The following S100A8 variants were observed in gnomAD, a reference collection of about 807,000 sequenced individuals.
S100A8 encodes the protein S100 calcium binding protein A8.
S100A8 carries 1 observed loss-of-function variant against 4.2 expected under a neutral mutation model. The ratio of observed to expected loss-of-function variants is 0.24; its 90% CI spans 0.08 to 1.12. The LOEUF (loss-of-function observed/expected upper bound fraction) is 1.12. S100A8 is among the 50% of genes most tolerant of loss of function. The pLI, the probability that S100A8 is intolerant of heterozygous loss-of-function variation, is 0.53. For missense variants in S100A8, 96 were observed against 111.8 expected, an observed-to-expected ratio of 0.86 and a Z score of 0.64; for synonymous variants, 41 against 44.7, an observed-to-expected ratio of 0.92 and a Z score of 0.33.
chr1:153,390,152 A>G lies in S100A8; in HGVS notation c.233T>C (p.Met78Thr), dbSNP rs1441390244. Residue 78 changes from methionine to threonine, a missense_variant, in exon 3 of 3, where the codon ATG (methionine) becomes ACG (threonine). Met to Thr is a moderately conservative substitution (Grantham distance 81). Coordinates refer to ENST00000368733, the MANE Select transcript of S100A8 (RefSeq NM_002964.5). ...FQEFLILVIKMGVAAHKKSHE... is the reference protein window; with the variant it reads ...FQEFLILVIKTGVAAHKKSHE... ...GCTTTTTTTGTGGGCTGCCACGCCC[A>G]TCTTTATCACCAGAATGAGGAACTC... is the stretch of plus-strand genomic sequence containing the variant. 6.2e-7 allele frequency: 1 copy of G among 1,614,036 alleles called. No individual in the cohort carries two copies. The highest frequency in any genetic ancestry group is 2.2e-5 in the East Asian group (1 of 44,866).
At chr1:153,394,270 A>G (rs1662166816), upstream of S100A8, among the ~76,000 whole-genome samples, 1 of 152,164 alleles carries the variant, frequency 6.6e-6, no homozygotes, top group Admixed American at 6.5e-5. Context: ...GGGGCAGGAG[A>G]GGGCAGGGAG....
chr1:153,416,931 G>A, the S100A8 span, among the ~76,000 whole-genome samples: 4 of 152,238 alleles, frequency 2.6e-5, no homozygotes, highest in African/African-American at 9.6e-5. Flanking sequence ...CACAGAGGGA[G>A]GAGGGATAAG....
the S100A8 span, among the ~76,000 whole-genome samples, chr1:153,404,803 C>T: frequency 1.3e-5 from 2 of 151,842 alleles, no homozygotes; most frequent in Non-Finnish European, 2.9e-5. Context: ...CTTTTTTTAA[C>T]AGGTGCAAGA....
In S100A8 at chr1:153,390,237, C is replaced by A. The variant is rs779001718; in HGVS notation, c.148G>T (p.Gly50Cys). 2 of 1,610,102 alleles carry A rather than the reference C, an allele frequency of 1.2e-6. No homozygotes were observed. The highest frequency in any genetic ancestry group is 2.2e-5 in the South Asian group (2 of 90,772). ...AACTCTTTGAACCAGACGTCTGCAC[C>A]CTTTTTCTGTCAAGATTGAGGAGGA... ...TECPQYIRKKGADVWFKELDI... is the reference protein window; with the variant it reads ...TECPQYIRKKCADVWFKELDI... Residue 50 changes from glycine (G) to cysteine (C), a missense_variant, in exon 3 of 3, where the codon GGT (glycine) becomes TGT (cysteine). By Grantham distance (159) the Gly-to-Cys change is radical (BLOSUM62 -3). Coordinates refer to ENST00000368733, the MANE Select transcript of S100A8 (RefSeq NM_002964.5).
chr1:153,419,346 A>G, the S100A8 span: 22 of 1,588,094 alleles, frequency 1.4e-5, no homozygotes, highest in African/African-American at 1.9e-4. Context: ...GACCCCAGGA[A>G]CAATAAGTGT....
the S100A8 span, among the ~76,000 whole-genome samples, chr1:153,409,430 A>T: frequency 2.6e-5 from 4 of 152,238 alleles, no homozygotes; most frequent in Non-Finnish European, 5.9e-5. Flanking sequence ...AGAGCTAACT[A>T]TCCTAAATAT....
chr1:153,401,218 A>G, the S100A8 span, among the ~76,000 whole-genome samples: 4 of 152,228 alleles, frequency 2.6e-5, no homozygotes, highest in African/African-American at 7.2e-5. Flanking sequence ...TGTCTTATGA[A>G]TCCATTATTG....
chr1:153,409,312 A>G, the S100A8 span, among the ~76,000 whole-genome samples: 2 of 152,208 alleles, frequency 1.3e-5, no homozygotes, highest in Non-Finnish European at 2.9e-5. Flanking sequence ...AGCAAAAAAA[A>G]GCAGTGCTTG....
At chr1:153,417,870 AGGATGGGCCGGGTCTC>A in the S100A8 span, 1 of 605,480 alleles carries the variant, frequency 1.7e-6, no homozygotes, top group Admixed American at 3.2e-5. Context: ...GGCCCTGGCC[AGGATGGGCCGGGTCTC>A]AGACTTGGTC....
intron 2 of S100A8, 23 bp downstream of exon 2, chr1:153,390,372 C>A: frequency 6.2e-7 from 1 of 1,612,984 alleles, no homozygotes; most frequent in Non-Finnish European, 8.5e-7. Flanking sequence ...AGAGAGCCCC[C>A]GCCACACCCA....
chr1:153,418,950 T>A, the S100A8 span, among the ~76,000 whole-genome samples: 24 of 151,850 alleles, frequency 1.6e-4, no homozygotes, highest in Non-Finnish European at 2.6e-4. Flanking sequence ...AGACAAAAAG[T>A]CTCCTTAGAG....
the S100A8 span, among the ~76,000 whole-genome samples, chr1:153,417,736 G>C: frequency 2.0e-5 from 3 of 152,072 alleles, no homozygotes; most frequent in Non-Finnish European, 4.4e-5. Flanking sequence ...GCCATGTGCT[G>C]GTTGAGGCTG....
rs979978083 is a variant in S100A8 at position 153,390,399 on chromosome 1, A to G, written c.137T>C (p.Ile46Thr). Residue 46 changes from isoleucine to threonine, a missense_variant, in exon 2 of 3, where the codon ATC becomes ACC. Coordinates refer to ENST00000368733, the MANE Select transcript of S100A8 (RefSeq NM_002964.5). ...KLLETECPQY[I>T]RKKGADVWFK... ...CCACACCCAGCCCCTCCTCACCCTG[A>G]TATACTGAGGACACTCGGTCTCTAG... 1.9e-6 allele frequency: 3 copies of G among 1,613,916 alleles called. No homozygotes were observed. Among genetic ancestry groups the G allele is most frequent in the African/African-American group, 2.7e-5 (2 of 74,892 alleles).
chr1:153,415,416 G>A, the S100A8 span, among the ~76,000 whole-genome samples: 6 of 152,146 alleles, frequency 3.9e-5, no homozygotes, highest in South Asian at 2.1e-4. Context: ...GACCTCTTGC[G>A]GCCTACAAGG....
upstream of S100A8, chr1:153,391,078 G>C (rs1355875123): frequency 2.0e-6 from 2 of 985,910 alleles, no homozygotes; most frequent in African/African-American, 3.5e-5. Context: ...AGACATGCAG[G>C]GCTGAGAGGC....
rs761425063 is a variant in S100A8 at position 153,390,094 on chromosome 1, G to T, written c.*9C>A. On this transcript the variant is annotated 3_prime_UTR_variant, in exon 3 of 3. Transcript: ENST00000368733. ...TCCAGGGGCCCAGCCTCTGGGCCCA[G>T]TAACTCAGCTACTCTTTGTGGCTTT... The T allele has an allele frequency of 5.0e-6, 8 of 1,609,498 alleles. No homozygotes were observed. Among genetic ancestry groups the T allele is most frequent in the Non-Finnish European group, 6.8e-6 (8 of 1,177,570 alleles).
At chr1:153,392,598 A>C (rs1487897264), upstream of S100A8, among the ~76,000 whole-genome samples, 1 of 152,216 alleles carries the variant, frequency 6.6e-6, no homozygotes, top group Non-Finnish European at 1.5e-5. Context: ...GTCCCTCAAC[A>C]CATGAATGGA....
the S100A8 span, chr1:153,419,395 T>C: frequency 7.0e-7 from 1 of 1,429,422 alleles, no homozygotes; most frequent in Non-Finnish European, 9.5e-7. Flanking sequence ...CTTCTTCTCT[T>C]TGGTGACCTA....
chr1:153,417,745 TG>T, the S100A8 span, among the ~76,000 whole-genome samples: 2 of 152,282 alleles, frequency 1.3e-5, no homozygotes, highest in South Asian at 4.1e-4. Flanking sequence ...TGGTTGAGGC[TG>T]GGGGGTCCCA....
Sources: allele counts gnomAD v4.1 joint callset (sites outside exome capture counted in the v4.1 genomes callset), GRCh38; gene constraint gnomAD v4.1.1; transcripts MANE v1.5; gene names NCBI Gene and HGNC (gene_info 2026-07-23, HGNC 2026-07-21).